Variants in ARMH3 observed in about 807,000 individuals in gnomAD.
ARMH3 encodes armadillo-like helical domain-containing protein 3.
In ARMH3, 60 loss-of-function variants were observed where a neutral mutation model predicts 99.1. That is an observed-to-expected ratio of 0.61 (90% CI 0.49 to 0.75). The LOEUF (loss-of-function observed/expected upper bound fraction) is 0.75, where lower values mean the gene tolerates loss of function less well. Ranked by LOEUF, ARMH3 falls within the 30% of genes least tolerant of loss-of-function variation. ARMH3 has a pLI of 0.00. For synonymous variants in ARMH3, 285 were observed against 292.8 expected (o/e 0.97, Z 0.27); for missense variants, 679 against 843.1 (o/e 0.81, Z 2.41).
At chr10:102,033,800 T>G (rs1414074534) in intron 2 of ARMH3, among the ~76,000 whole-genome samples, 1 of 152,014 alleles carries the variant, frequency 6.6e-6, no homozygotes, top group Non-Finnish European at 1.5e-5. Flanking sequence ...TCTCTTTGTG[T>G]TTTTTTTCCC....
intron 20 of ARMH3, among the ~76,000 whole-genome samples, chr10:101,959,363 G>A (rs1460953945): frequency 6.6e-6 from 1 of 152,200 alleles, no homozygotes; most frequent in Non-Finnish European, 1.5e-5. Flanking sequence ...GACAAGCCCT[G>A]TTAATGATAT....
chr10:101,890,154 G>C (rs2067652170), intron 23 of ARMH3, among the ~76,000 whole-genome samples: 1 of 151,794 alleles, frequency 6.6e-6, no homozygotes, highest in South Asian at 2.1e-4. Flanking sequence ...AAGAACACAG[G>C]TTTTAGATCA....
At chr10:102,038,018 G>A (rs140928883) in intron 2 of ARMH3, among the ~76,000 whole-genome samples, 64 of 151,448 alleles carry the variant, frequency 4.2e-4, no homozygotes, top group African/African-American at 1.4e-3. Context: ...CATGGAACTG[G>A]CACTTCCCAT....
At chr10:102,023,408 C>G in intron 8 of ARMH3, 69 bp downstream of exon 8, 1 of 1,400,758 alleles carries the variant, frequency 7.1e-7, no homozygotes. Flanking sequence ...TAAGCAAAGT[C>G]CTTTAGGAGG....
rs934288555 is a variant in ARMH3, at chr10:101,895,424, C to T, written c.1782-5934G>A. Among the ~76,000 whole-genome samples the T allele has an allele frequency of 1.3e-4, 19 of 151,926 alleles. No individual in the cohort carries two copies. In the East Asian group the frequency reaches 1.4e-3, roughly 11 times the overall value. ...CCTCCCGAGTAGCTGGGACTACAGG[C>T]GCCCGCCACCACGCCCGGCTAATTT... On this transcript the variant is annotated intron_variant, in intron 23 of 25. Coordinates refer to ENST00000370033, the MANE Select transcript of ARMH3 (RefSeq NM_024541.3).
intron 15 of ARMH3, among the ~76,000 whole-genome samples, chr10:101,997,874 C>T (rs568702794): frequency 1.3e-5 from 2 of 151,784 alleles, no homozygotes; most frequent in African/African-American, 4.8e-5. Context: ...GGAAACAGAG[C>T]CAAGAAAAAG....
chr10:102,019,063 T>C (rs1224297846), intron 8 of ARMH3, among the ~76,000 whole-genome samples: 7 of 152,204 alleles, frequency 4.6e-5, no homozygotes, highest in Non-Finnish European at 8.8e-5. Context: ...ATACTTTTTT[T>C]TTTGAGATGG....
intron 23 of ARMH3, among the ~76,000 whole-genome samples, chr10:101,907,726 C>A (rs17698975): frequency 0.049 from 7,495 of 152,214 alleles, 204 homozygotes; most frequent in Middle Eastern, 0.095. Flanking sequence ...TAGTGGTACA[C>A]AGAAATAGCT....
chr10:101,993,248 G>C (rs549086949), intron 17 of ARMH3, among the ~76,000 whole-genome samples: 150 of 150,944 alleles, frequency 9.9e-4, no homozygotes, highest in African/African-American at 3.4e-3. Context: ...TCCAGCCTGG[G>C]GGGGAGAGAG....
intron 13 of ARMH3, 122 bp from the exon 14 acceptor site, chr10:102,006,755 T>A: frequency 1.3e-6 from 1 of 758,738 alleles, no homozygotes; most frequent in South Asian, 1.8e-5. Context: ...TGAGACAGCA[T>A]CTTGCTATGT....
chr10:102,026,061 A>G (rs888994739), intron 5 of ARMH3, among the ~76,000 whole-genome samples: 2 of 152,210 alleles, frequency 1.3e-5, no homozygotes, highest in Non-Finnish European at 2.9e-5. Flanking sequence ...AACGAAGCTA[A>G]CTTGCGTCCA....
At chr10:101,923,926 ATTC>A (rs1459429862) in intron 23 of ARMH3, among the ~76,000 whole-genome samples, 1 of 152,154 alleles carries the variant, frequency 6.6e-6, no homozygotes, top group African/African-American at 2.4e-5. Context: ...TTTGCAGTTG[ATTC>A]TTAAGTAAGG....
chr10:101,949,784 A>T (rs1844708985), intron 22 of ARMH3, among the ~76,000 whole-genome samples: 1 of 152,160 alleles, frequency 6.6e-6, no homozygotes, highest in Admixed American at 6.5e-5. Flanking sequence ...AAAACTACAG[A>T]CCAATATACC....
chr10:101,932,663 G>A (rs529635250), intron 23 of ARMH3, among the ~76,000 whole-genome samples: 2 of 152,138 alleles, frequency 1.3e-5, no homozygotes, highest in Non-Finnish European at 2.9e-5. Flanking sequence ...CAGTCACGAA[G>A]GACAAATATT....
At chr10:102,034,027 G>A (rs1191886305) in intron 2 of ARMH3, among the ~76,000 whole-genome samples, 14 of 152,204 alleles carry the variant, frequency 9.2e-5, no homozygotes. Context: ...AGGAAGGACA[G>A]ATATTATCAC....
intron 19 of ARMH3, among the ~76,000 whole-genome samples, chr10:101,984,381 G>C (rs1846366300): frequency 6.6e-6 from 1 of 152,156 alleles, no homozygotes; most frequent in South Asian, 2.1e-4. Flanking sequence ...ATTTTCCCAT[G>C]AACTTGAGAG....
At chr10:101,870,107 G>C (rs527396613) in intron 24 of ARMH3, among the ~76,000 whole-genome samples, 9 of 152,096 alleles carry the variant, frequency 5.9e-5, no homozygotes, top group Non-Finnish European at 1.0e-4. Flanking sequence ...TAATAAAATT[G>C]ACAAACCTCT....
intron 5 of ARMH3, chr10:102,029,422 G>A (rs774457226): frequency 3.6e-5 from 55 of 1,525,796 alleles, no homozygotes; most frequent in South Asian, 6.0e-5. Flanking sequence ...TCTTTATCCC[G>A]CAGGGAAAGA....
chr10:101,964,845 C>CAA (rs545171779), intron 20 of ARMH3, among the ~76,000 whole-genome samples: 6 of 97,658 alleles, frequency 6.1e-5, no homozygotes, highest in Middle Eastern at 6.0e-3. Flanking sequence ...CCGTCTTTAC[C>CAA]AAAAAAAAAA....
Sources: allele counts gnomAD v4.1 joint callset (sites outside exome capture counted in the v4.1 genomes callset), GRCh38; gene constraint gnomAD v4.1.1; transcripts MANE v1.5; gene names NCBI Gene and HGNC (gene_info 2026-07-23, HGNC 2026-07-21).